ERC1: variants seen among roughly 807,000 people sequenced by gnomAD.
ERC1 encodes RAB6 interacting protein 2.
ERC1 carries 56 observed loss-of-function variants against 132.0 expected under a neutral mutation model. The observed-to-expected ratio is 0.42, with a 90% confidence interval of 0.34 to 0.53. The LOEUF (loss-of-function observed/expected upper bound fraction) is 0.53, where lower values mean the gene tolerates loss of function less well. Ranked by LOEUF, ERC1 falls within the 20% of genes least tolerant of loss-of-function variation. The pLI is 0.03. For synonymous variants in ERC1, 478 were observed against 476.1 expected (o/e 1.00, Z -0.05); for missense variants, 1,202 against 1,349.9 (o/e 0.89, Z 1.72).
rs913491639 is a variant in ERC1, at chr12:1,301,310, CA to C, written c.2780+11305del. On this transcript the variant is annotated intron_variant, in intron 15 of 18. Transcript: ENST00000360905. ...ACCACTGTATAACTCAGTCTTGTAACAAAAAAACACTTAAACCCCAAAAGCT... is the reference window on the plus strand; with the variant it reads ...ACCACTGTATAACTCAGTCTTGTAACAAAAAACACTTAAACCCCAAAAGCT... 4.3e-4 allele frequency among the ~76,000 whole-genome samples: 66 copies of C among 151,984 alleles called. No homozygotes were observed. The Middle Eastern group carries it at 0.014, about 31-fold the overall frequency.
chr12:1,475,888 TG>T (rs1468330488), intron 18 of ERC1, among the ~76,000 whole-genome samples: 1 of 151,122 alleles, frequency 6.6e-6, no homozygotes, highest in Admixed American at 6.6e-5. Context: ...TTCAACATTA[TG>T]GGAGGCTGAA....
At chr12:1,101,644 G>T (rs1035429498) in intron 3 of ERC1, among the ~76,000 whole-genome samples, 1 of 152,176 alleles carries the variant, frequency 6.6e-6, no homozygotes, top group African/African-American at 2.4e-5. Context: ...AATTTCTGTT[G>T]TGGGAGGTAG....
chr12:1,047,393 C>A (rs997436300), intron 2 of ERC1, among the ~76,000 whole-genome samples: 1 of 151,480 alleles, frequency 6.6e-6, no homozygotes, highest in Non-Finnish European at 1.5e-5. Context: ...CTACCCCCCA[C>A]CCCCCAAAAA....
intron 3 of ERC1, among the ~76,000 whole-genome samples, chr12:1,095,985 G>A (rs1247061748): frequency 6.6e-6 from 1 of 151,398 alleles, no homozygotes; most frequent in Non-Finnish European, 1.5e-5. Context: ...GAGTGCAGTG[G>A]CGTGATCTTG....
At chr12:1,007,460 TTCTCTCTC>T (rs72040785) in intron 1 of ERC1, among the ~76,000 whole-genome samples, 12,620 of 134,950 alleles carry the variant, frequency 0.094, 801 homozygotes, top group African/African-American at 0.2. Context: ...GGGTAATTCA[TTCTCTCTC>T]TCTCTCTCTC....
chr12:1,390,324 C>A (rs1320414057), intron 16 of ERC1, among the ~76,000 whole-genome samples: 1 of 151,938 alleles, frequency 6.6e-6, no homozygotes, highest in African/African-American at 2.4e-5. Flanking sequence ...GACAGTGTAA[C>A]CCACAGTGAC....
chr12:1,004,372 TTAA>T (rs2154133897), intron 1 of ERC1, among the ~76,000 whole-genome samples: 1 of 151,888 alleles, frequency 6.6e-6, no homozygotes, highest in Admixed American at 6.6e-5. Flanking sequence ...TTTCTGCTGG[TTAA>T]TAAATTTCTT....
At chr12:1,017,258 A>G (rs1449195599) in intron 1 of ERC1, among the ~76,000 whole-genome samples, 1 of 152,118 alleles carries the variant, frequency 6.6e-6, no homozygotes, top group Non-Finnish European at 1.5e-5. Flanking sequence ...CAGCCTCCCA[A>G]AGTGCTGGGA....
At chr12:1,040,957 C>T (rs1970108439) in intron 2 of ERC1, among the ~76,000 whole-genome samples, 1 of 152,038 alleles carries the variant, frequency 6.6e-6, no homozygotes, top group South Asian at 2.1e-4. Flanking sequence ...CTTAAATGAT[C>T]CTCAGATACT....
chr12:1,333,915 A>G (rs577399671), intron 15 of ERC1, among the ~76,000 whole-genome samples: 2 of 152,292 alleles, frequency 1.3e-5, no homozygotes, highest in Non-Finnish European at 2.9e-5. Flanking sequence ...CCTCGCCAGC[A>G]TCTGTTATTT....
chr12:1,165,622 C>G (rs59332759), intron 8 of ERC1, among the ~76,000 whole-genome samples: 8 of 152,144 alleles, frequency 5.3e-5, no homozygotes, highest in African/African-American at 1.4e-4. Flanking sequence ...TATGAGCCAC[C>G]GCGCCTGGCG....
intron 2 of ERC1, among the ~76,000 whole-genome samples, chr12:1,051,961 G>GCAAGAGCT (rs1480568149): frequency 3.7e-5 from 5 of 133,640 alleles, no homozygotes; most frequent in African/African-American, 8.7e-5. Context: ...TTGATGAATA[G>GCAAGAGCT]TGTGAATTAA....
chr12:1,486,062 T>C lies in ERC1; in HGVS notation c.3214-4031T>C, dbSNP rs1442367001. Among the ~76,000 whole-genome samples, 3 of 152,248 alleles carry C rather than the reference T, an allele frequency of 2.0e-5. No homozygotes were observed. The East Asian group carries it at 5.8e-4, about 29-fold the overall frequency. ...GGTCATATCCTAAATCCCAGTCATT[T>C]AATGGTATCAACCCAACACTCTTCT... On this transcript the variant is annotated intron_variant, in intron 18 of 18. Transcript: ENST00000360905.
At chr12:1,072,618 A>G (rs911052252) in intron 2 of ERC1, among the ~76,000 whole-genome samples, 5 of 152,158 alleles carry the variant, frequency 3.3e-5, no homozygotes, top group Non-Finnish European at 7.4e-5. Flanking sequence ...AGAAAAATGT[A>G]TGGTCTTCTC....
At chr12:1,149,853 C>T (rs1285446501) in intron 8 of ERC1, among the ~76,000 whole-genome samples, 1 of 152,102 alleles carries the variant, frequency 6.6e-6, no homozygotes, top group South Asian at 2.1e-4. Flanking sequence ...CTTTAGTTTT[C>T]ATTCATTTGC....
At position 1,182,004 on chromosome 12, in the gene ERC1, A is replaced by G; in HGVS notation, c.1955A>G (p.Lys652Arg). 6.2e-7 allele frequency: 1 copy of G among 1,614,132 alleles called. No individual in the cohort carries two copies. Among genetic ancestry groups the G allele is most frequent in the Non-Finnish European group, 8.5e-7 (1 of 1,180,000 alleles). The change falls in exon 10 of 19, where the codon AAA becomes AGA. Residue 652 changes from lysine (K) to arginine (R), a missense_variant. Lys to Arg is a conservative substitution (Grantham distance 26, BLOSUM62 2). Coordinates refer to ENST00000360905, the MANE Select transcript of ERC1 (RefSeq NM_178040.4). Reference protein sequence around the residue: ...EKQEEIDNYKKDLKDLKEKVS... With the variant: ...EKQEEIDNYKRDLKDLKEKVS... Reference sequence around the variant, plus strand: ...CAAGAGGAAATTGATAACTACAAAAAAGATCTTAAAGACTTGAAGGAAAAA... The same window carrying G: ...CAAGAGGAAATTGATAACTACAAAAGAGATCTTAAAGACTTGAAGGAAAAA...
chr12:1,003,564 C>T (rs1438093929), intron 1 of ERC1, among the ~76,000 whole-genome samples: 1 of 152,070 alleles, frequency 6.6e-6, no homozygotes, highest in African/African-American at 2.4e-5. Flanking sequence ...TTCTTTTCTT[C>T]ACTGGCTGGG....
intron 8 of ERC1, among the ~76,000 whole-genome samples, chr12:1,176,542 C>G (rs553354584): frequency 7.8e-4 from 118 of 152,126 alleles, no homozygotes; most frequent in African/African-American, 2.7e-3. Flanking sequence ...GAGTCATCCT[C>G]TTCTTTGAAG....
At chr12:1,331,964 G>A (rs977985307) in intron 15 of ERC1, among the ~76,000 whole-genome samples, 2 of 152,084 alleles carry the variant, frequency 1.3e-5, no homozygotes, top group South Asian at 4.1e-4. Flanking sequence ...GAAGACTCCT[G>A]GATTTCAGGA....
Sources: gnomAD v4.1 joint callset for allele counts (sites outside exome capture counted in the v4.1 genomes callset) on GRCh38, gnomAD v4.1.1 for gene constraint, MANE v1.5 for transcripts, NCBI Gene and HGNC (gene_info 2026-07-23, HGNC 2026-07-21) for gene names.